PPP1R21: variants seen among roughly 807,000 people sequenced by gnomAD.
PPP1R21 encodes the protein KLRAQ motif containing 1.
A neutral mutation model predicts 112.8 loss-of-function variants in PPP1R21; 85 were observed. The observed-to-expected ratio is 0.75, with a 90% CI of 0.63 to 0.90. PPP1R21 has a LOEUF of 0.90. PPP1R21 is among the 40% of genes least tolerant of loss of function. The pLI is 0.00. For missense variants in PPP1R21, 1,199 were observed against 901.5 expected, an observed-to-expected ratio of 1.33 and a Z score of -4.23; for synonymous variants, 381 against 322.3, an observed-to-expected ratio of 1.18 and a Z score of -1.95.
intron 9 of PPP1R21, among the ~76,000 whole-genome samples, chr2:48,466,959 T>C (rs542655229): frequency 8.5e-5 from 13 of 152,316 alleles, no homozygotes; most frequent in African/African-American, 3.1e-4. Context: ...TTGAGGCCTT[T>C]ATAGCTTTTT....
intron 11 of PPP1R21, among the ~76,000 whole-genome samples, chr2:48,473,248 A>C (rs1431017925): frequency 6.6e-6 from 1 of 152,062 alleles, no homozygotes; most frequent in Non-Finnish European, 1.5e-5. Context: ...ACTAATTATT[A>C]TGAACTAATA....
intron 9 of PPP1R21, among the ~76,000 whole-genome samples, chr2:48,466,818 G>A (rs1209999826): frequency 2.0e-5 from 3 of 152,100 alleles, no homozygotes; most frequent in African/African-American, 7.2e-5. Flanking sequence ...TGAGCAAACT[G>A]TGTTGGCTGA....
At chr2:48,471,463 T>C in intron 11 of PPP1R21, 96 bp downstream of exon 11, 1 of 1,227,620 alleles carries the variant, frequency 8.1e-7, no homozygotes, top group Non-Finnish European at 1.1e-6. Flanking sequence ...TCTTGTGATC[T>C]GCCTGACTTT....
At chr2:48,479,805 G>T (rs1668925295) in intron 12 of PPP1R21, 119 bp from the exon 13 acceptor site, 4 of 707,576 alleles carry the variant, frequency 5.7e-6, no homozygotes, top group South Asian at 4.8e-5. Context: ...GATTTTAAGA[G>T]GCATTATTTC....
At chr2:48,497,903 G>A (rs1669923150) in intron 16 of PPP1R21, among the ~76,000 whole-genome samples, 2 of 152,024 alleles carry the variant, frequency 1.3e-5, no homozygotes, top group South Asian at 2.1e-4. Context: ...AGCCCGCCTC[G>A]GCCTCCTAAA....
chr2:48,492,493 A>T (rs1294073232), intron 15 of PPP1R21, among the ~76,000 whole-genome samples: 4 of 152,144 alleles, frequency 2.6e-5, no homozygotes, highest in Non-Finnish European at 5.9e-5. Flanking sequence ...TATAATATGG[A>T]TGTTCCATAG....
chr2:48,487,045 C>G (rs943252254), intron 14 of PPP1R21, among the ~76,000 whole-genome samples: 2 of 152,152 alleles, frequency 1.3e-5, no homozygotes, highest in African/African-American at 4.8e-5. Flanking sequence ...GCTTTCCTAC[C>G]TAATGTTTAA....
chr2:48,505,391 A>T (rs538017249), intron 17 of PPP1R21, among the ~76,000 whole-genome samples, 173 bp from the exon 18 acceptor site: 1 of 152,376 alleles, frequency 6.6e-6, no homozygotes, highest in African/African-American at 2.4e-5. Context: ...GAAATAGTAA[A>T]TGCAGCTACC....
intron 7 of PPP1R21, among the ~76,000 whole-genome samples, chr2:48,461,507 C>G (rs1447953160): frequency 6.6e-6 from 1 of 152,116 alleles, no homozygotes; most frequent in East Asian, 1.9e-4. Context: ...TAAAAAACAA[C>G]CTGCACATAA....
chr2:48,457,158 A>G (rs1444093582), intron 3 of PPP1R21, among the ~76,000 whole-genome samples: 1 of 152,172 alleles, frequency 6.6e-6, no homozygotes, highest in Non-Finnish European at 1.5e-5. Flanking sequence ...CCTGCCTAGG[A>G]CTGTTGAGCA....
intron 2 of PPP1R21, 135 bp downstream of exon 2, chr2:48,451,211 C>T (rs565263425): frequency 9.2e-6 from 6 of 648,822 alleles, no homozygotes; most frequent in Non-Finnish European, 1.1e-5. Context: ...GTAATACAGT[C>T]TTTTGTGGTT....
chr2:48,456,301 T>C (rs372552399), intron 3 of PPP1R21, among the ~76,000 whole-genome samples: 1 of 151,662 alleles, frequency 6.6e-6, no homozygotes, highest in Admixed American at 6.6e-5. Context: ...CTTTAAGTCT[T>C]GTATGTATAT....
chr2:48,477,929 A>T (rs934440721), intron 12 of PPP1R21, among the ~76,000 whole-genome samples: 1 of 152,190 alleles, frequency 6.6e-6, no homozygotes, highest in Non-Finnish European at 1.5e-5. Flanking sequence ...TCAAATTAAG[A>T]TGAGGTCATA....
At chr2:48,513,783 AATGTATTT>A (rs1318357516) in intron 21 of PPP1R21, among the ~76,000 whole-genome samples, 1 of 152,224 alleles carries the variant, frequency 6.6e-6, no homozygotes, top group African/African-American at 2.4e-5. Context: ...CCATGAAGAA[AATGTATTT>A]ATGCCTAAGA....
chr2:48,468,555 G>T (rs1026302616), intron 9 of PPP1R21, among the ~76,000 whole-genome samples: 4 of 152,138 alleles, frequency 2.6e-5, no homozygotes, highest in African/African-American at 9.7e-5. Context: ...GCTCACACCT[G>T]TAATCCTAGT....
intron 2 of PPP1R21, among the ~76,000 whole-genome samples, chr2:48,452,014 C>G (rs749766729): frequency 1.3e-5 from 2 of 152,156 alleles, no homozygotes; most frequent in Non-Finnish European, 2.9e-5. Context: ...CTGAACACCC[C>G]ACCCATACTT....
At chr2:48,483,091 C>G (rs1669099960) in intron 13 of PPP1R21, among the ~76,000 whole-genome samples, 3 of 151,890 alleles carry the variant, frequency 2.0e-5, no homozygotes. Context: ...CTGGCTCCAT[C>G]CATGTACCTG....
At chr2:48,475,256 G>A (rs959307276) in intron 12 of PPP1R21, among the ~76,000 whole-genome samples, 4 of 152,146 alleles carry the variant, frequency 2.6e-5, no homozygotes, top group African/African-American at 9.7e-5. Flanking sequence ...TGGAGGCTGA[G>A]GTGGGAGGAT....
chr2:48,451,970 G>A (rs565082558), intron 2 of PPP1R21, among the ~76,000 whole-genome samples: 6 of 152,228 alleles, frequency 3.9e-5, no homozygotes, highest in African/African-American at 1.4e-4. Flanking sequence ...TCCTCCTCAG[G>A]TGCTGTTAGC....
Sources: allele counts gnomAD v4.1 joint callset (sites outside exome capture counted in the v4.1 genomes callset), GRCh38; gene constraint gnomAD v4.1.1; transcripts MANE v1.5; gene names NCBI Gene and HGNC (gene_info 2026-07-23, HGNC 2026-07-21).